ATP6V0A4: variants seen among roughly 807,000 people sequenced by gnomAD.
ATP6V0A4 encodes the protein ATPase H+ transporting V0 subunit a4.
In ATP6V0A4, 86 loss-of-function variants were observed where a neutral mutation model predicts 107.3. The observed-to-expected ratio is 0.80, with a 90% CI of 0.67 to 0.96. The LOEUF is 0.96. Ranked by LOEUF, ATP6V0A4 falls within the 40% of genes least tolerant of loss-of-function variation. The probability of loss-of-function intolerance (pLI) is 0.00; values close to 1 mark genes in which losing one functional copy is unlikely to be tolerated. For synonymous variants in ATP6V0A4, 353 were observed against 381.4 expected (o/e 0.93, Z 0.87); for missense variants, 908 against 1,045.6 (o/e 0.87, Z 1.81).
intron 10 of ATP6V0A4, 22 bp from the exon 11 acceptor site, chr7:138,752,859 G>A (rs754534748): frequency 1.2e-6 from 2 of 1,612,434 alleles, no homozygotes; most frequent in Non-Finnish European, 1.7e-6. Flanking sequence ...ACAACACACA[G>A]GAAAACAGAG....
intron 2 of ATP6V0A4, among the ~76,000 whole-genome samples, chr7:138,777,336 C>T (rs572407163): frequency 6.0e-5 from 9 of 151,032 alleles, no homozygotes; most frequent in East Asian, 2.0e-4. Context: ...ATATTATGGC[C>T]GGGCGCGGTG....
At chr7:138,764,549 G>T (rs1806993868) in intron 5 of ATP6V0A4, among the ~76,000 whole-genome samples, 1 of 152,188 alleles carries the variant, frequency 6.6e-6, no homozygotes, top group Non-Finnish European at 1.5e-5. Context: ...GTGAATATGT[G>T]CCTTGAAGTG....
intron 2 of ATP6V0A4, among the ~76,000 whole-genome samples, chr7:138,783,546 T>G (rs1808014340): frequency 6.6e-6 from 1 of 152,062 alleles, no homozygotes; most frequent in African/African-American, 2.4e-5. Context: ...GGCAGCATAG[T>G]GAGAAATCAT....
intron 3 of ATP6V0A4, 164 bp from the exon 4 acceptor site, chr7:138,769,415 A>G: frequency 2.5e-5 from 18 of 725,206 alleles, no homozygotes; most frequent in Non-Finnish European, 3.0e-5. Flanking sequence ...CCTGGGTTCA[A>G]GTGATTCTTC....
At chr7:138,766,399 T>C (rs976763536) in intron 5 of ATP6V0A4, among the ~76,000 whole-genome samples, 1 of 151,744 alleles carries the variant, frequency 6.6e-6, no homozygotes, top group Non-Finnish European at 1.5e-5. Flanking sequence ...AGAGATGGGG[T>C]TTCACCATGT....
intron 14 of ATP6V0A4, among the ~76,000 whole-genome samples, chr7:138,744,183 G>A (rs1338148421): frequency 6.6e-6 from 1 of 150,922 alleles, no homozygotes; most frequent in East Asian, 1.9e-4. Context: ...AACTCTGTCA[G>A]CCACAGGACA....
chr7:138,749,345 A>AC, intron 11 of ATP6V0A4, 28 bp from the exon 12 acceptor site: 1 of 1,605,140 alleles, frequency 6.2e-7, no homozygotes, highest in East Asian at 2.2e-5. Flanking sequence ...AGCGACAAAG[A>AC]TGTAAGGAGA....
Position 138,728,836 on chromosome 7 carries a change from A to G in ATP6V0A4, c.1935T>C (p.Val645=). Residue 645 remains valine (V), a synonymous_variant, in exon 18 of 22, where the codon GTT becomes GTC. Transcript: ENST00000310018. ...HQQEVQSFFV[V]MALISVPWML... ...TCCACGGCACAGAAATCAAAGCCATAACCACAAAGAAACTTTGGACTTCTT... is the reference window on the plus strand; with the variant it reads ...TCCACGGCACAGAAATCAAAGCCATGACCACAAAGAAACTTTGGACTTCTT... 6.2e-7 allele frequency: 1 copy of G among 1,614,236 alleles called. No individual in the cohort carries two copies. Among genetic ancestry groups the G allele is most frequent in the Non-Finnish European group, 8.5e-7 (1 of 1,180,046 alleles).
intron 18 of ATP6V0A4, among the ~76,000 whole-genome samples, chr7:138,727,289 C>G (rs1268684150): frequency 6.6e-6 from 1 of 151,934 alleles, no homozygotes; most frequent in African/African-American, 2.4e-5. Flanking sequence ...GACCTTGTCT[C>G]TAGAAAACAA....
chr7:138,775,919 G>T (rs1047695016), intron 2 of ATP6V0A4, among the ~76,000 whole-genome samples: 11 of 152,076 alleles, frequency 7.2e-5, no homozygotes, highest in African/African-American at 2.7e-4. Flanking sequence ...CAAAGTGCTG[G>T]GATTACAGGC....
rs745448000 is a variant in ATP6V0A4, at chr7:138,752,621, G to T, written c.1029+4C>A. 20 of 1,612,672 alleles carry T rather than the reference G, an allele frequency of 1.2e-5. No individual in the cohort carries two copies. In the Admixed American group the frequency reaches 3.0e-4, roughly 24 times the overall value. ...GACCCCTCCTGGCTCCACCTGCCAC[G>T]CACCATGCCTTGCTCCAGTGCCCTC... On this transcript the variant is annotated splice_donor_region_variant and intron_variant, in intron 11 of 21. Transcript: ENST00000310018.
At chr7:138,765,134 G>A (rs1380977998) in intron 5 of ATP6V0A4, among the ~76,000 whole-genome samples, 1 of 152,058 alleles carries the variant, frequency 6.6e-6, no homozygotes, top group Non-Finnish European at 1.5e-5. Context: ...TGATAATCCT[G>A]TAAATGTTAG....
chr7:138,756,528 G>C lies in ATP6V0A4; in HGVS notation c.652C>G (p.Gln218Glu), dbSNP rs1265672104. Residue 218 changes from glutamine to glutamate, a missense_variant, in exon 9 of 22, where the codon CAG becomes GAG. By Grantham distance (29) the Gln-to-Glu change is conservative. Transcript: ENST00000310018. ...LEDPVTKEEIQKNIFIIFYQG... is the reference protein window; with the variant it reads ...LEDPVTKEEIEKNIFIIFYQG... ...TAAAATATGATGAATATGTTCTTCT[G>C]AATTTCTTCTTTCTGGAAAATCAGA... is the stretch of plus-strand genomic sequence containing the variant. 6.3e-7 allele frequency: 1 copy of C among 1,579,980 alleles called. No homozygotes were observed. Among genetic ancestry groups the C allele is most frequent in the African/African-American group, 1.4e-5 (1 of 73,322 alleles).
chr7:138,766,273 G>A (rs966789246), intron 5 of ATP6V0A4, among the ~76,000 whole-genome samples: 1 of 150,964 alleles, frequency 6.6e-6, no homozygotes, highest in African/African-American at 2.4e-5. Context: ...TGCGATCTCG[G>A]TTCCCTGCAA....
rs1230009724 is a variant in ATP6V0A4, at chr7:138,715,836, C to T, written c.2185G>A (p.Glu729Lys). Residue 729 changes from glutamate to lysine, a missense_variant, in exon 20 of 22, where the codon GAG becomes AAG. Transcript: ENST00000310018. ...TTTGAAATGCAGCCCAGGCAGTACTCGATGGTGTGGATGGCTTGGTGGACA... is the reference window on the plus strand; with the variant it reads ...TTTGAAATGCAGCCCAGGCAGTACTTGATGGTGTGGATGGCTTGGTGGACA... The part of the protein sequence containing the change: ...VFVHQAIHTI[E>K]YCLGCISNTA... 3 of 1,613,764 alleles carry T rather than the reference C, an allele frequency of 1.9e-6. No homozygotes were observed. Among genetic ancestry groups the T allele is most frequent in the East Asian group, 4.5e-5 (2 of 44,856 alleles).
In ATP6V0A4 at chr7:138,758,739, A is replaced by ATTTTTTTTTTTTTTTTTT. The variant is rs398006555; in HGVS notation, c.639+995_639+1012dup. 1.0e-4 allele frequency among the ~76,000 whole-genome samples: 6 copies of ATTTTTTTTTTTTTTTTTT among 59,176 alleles called. 1 individual carries two copies. The highest frequency in any genetic ancestry group is 1.4e-4 in the Non-Finnish European group (5 of 34,938). The allele number at this position is 59,176 out of a possible 152,430, so 38.8% of individuals were successfully genotyped here. On this transcript the variant is annotated intron_variant, in intron 8 of 21. Coordinates refer to ENST00000310018, the MANE Select transcript of ATP6V0A4 (RefSeq NM_020632.3). ...CCCCACTCAGACCCACTGACTCAGA[A>ATTTTTTTTTTTTTTTTTT]TTTTTTTTTTTTTTTTTTTTTTTTT...
chr7:138,712,151 C>T (rs899331620), intron 20 of ATP6V0A4, among the ~76,000 whole-genome samples: 18 of 152,140 alleles, frequency 1.2e-4, no homozygotes, highest in African/African-American at 3.6e-4. Flanking sequence ...AGGCTGGTCT[C>T]GAACTCCTGA....
chr7:138,739,332 CTGT>C (rs769678040), intron 15 of ATP6V0A4, among the ~76,000 whole-genome samples: 3 of 152,124 alleles, frequency 2.0e-5, no homozygotes, highest in Non-Finnish European at 2.9e-5. Flanking sequence ...GTTTGGGGGA[CTGT>C]ATGGAAAATG....
At chr7:138,754,274 C>T (rs566627061) in intron 10 of ATP6V0A4, among the ~76,000 whole-genome samples, 1 of 151,980 alleles carries the variant, frequency 6.6e-6, no homozygotes, top group South Asian at 2.1e-4. Flanking sequence ...CATGGAGAAA[C>T]CCCATCTCTA....
Sources: gnomAD v4.1 joint callset for allele counts (sites outside exome capture counted in the v4.1 genomes callset) on GRCh38, gnomAD v4.1.1 for gene constraint, MANE v1.5 for transcripts, NCBI Gene and HGNC (gene_info 2026-07-23, HGNC 2026-07-21) for gene names.